Variants in ARHGEF6 observed in about 807,000 individuals in gnomAD.
ARHGEF6 encodes Rac/Cdc42 guanine nucleotide exchange factor 6, also known as rho guanine nucleotide exchange factor 6.
In ARHGEF6, 9 loss-of-function variants were observed where a neutral mutation model predicts 70.3. The ratio of observed to expected loss-of-function variants is 0.13; its 90% CI spans 0.08 to 0.22. The LOEUF (loss-of-function observed/expected upper bound fraction) is 0.22. Among genes scored for constraint, ARHGEF6 ranks in the 10% least tolerant of loss-of-function variants. The pLI is 1.00. For synonymous variants in ARHGEF6, 201 were observed against 207.8 expected, an observed-to-expected ratio of 0.97 and a Z score of 0.28; for missense variants, 470 against 563.0, an observed-to-expected ratio of 0.83 and a Z score of 1.67.
At chrX:136,698,440 C>A (rs1225647967) in intron 9 of ARHGEF6, among the ~76,000 whole-genome samples, 1 of 111,409 alleles carries the variant, frequency 9.0e-6, no homozygotes, top group African/African-American at 3.3e-5. Context: ...AGGATAAATG[C>A]AAAGAGGTCC....
intron 5 of ARHGEF6, among the ~76,000 whole-genome samples, chrX:136,732,780 G>A (rs1364683746): frequency 8.9e-6 from 1 of 111,918 alleles, no homozygotes; most frequent in Admixed American, 9.5e-5. Flanking sequence ...TAGGTTAGGT[G>A]TATTAATGTA....
At chrX:136,683,073 T>G (rs1436858709) in intron 12 of ARHGEF6, among the ~76,000 whole-genome samples, 1 of 112,005 alleles carries the variant, frequency 8.9e-6, no homozygotes, top group Non-Finnish European at 1.9e-5. Context: ...TACATAACAA[T>G]TAAATACAAA....
intron 2 of ARHGEF6, among the ~76,000 whole-genome samples, chrX:136,777,842 C>T: frequency 9.1e-6 from 1 of 109,719 alleles, no homozygotes; most frequent in East Asian, 2.8e-4. Flanking sequence ...TCACGACAAC[C>T]TGGGTGGAGG....
intron 6 of ARHGEF6, among the ~76,000 whole-genome samples, chrX:136,731,654 C>T (rs2076936425): frequency 8.9e-6 from 1 of 112,227 alleles, no homozygotes; most frequent in Non-Finnish European, 1.9e-5. Flanking sequence ...TCCTTTTGGG[C>T]TCTCTTTAAA....
intron 6 of ARHGEF6, among the ~76,000 whole-genome samples, chrX:136,716,897 TCA>T (rs2076742335): frequency 9.0e-6 from 1 of 111,654 alleles, no homozygotes; most frequent in Non-Finnish European, 1.9e-5. Context: ...TGAGAATATG[TCA>T]ATAGAAACTG....
chrX:136,700,343 C>T (rs979750854), intron 9 of ARHGEF6, among the ~76,000 whole-genome samples: 1 of 110,778 alleles, frequency 9.0e-6, no homozygotes, highest in African/African-American at 3.3e-5. Flanking sequence ...TGGCCAACTT[C>T]ATGAAACCCT....
intron 1 of ARHGEF6, 122 bp downstream of exon 1, chrX:136,780,596 C>T: frequency 2.9e-6 from 2 of 690,483 alleles, no homozygotes; most frequent in Non-Finnish European, 2.3e-6. Flanking sequence ...GAATGTCTAA[C>T]TCTTAGAAAA....
chrX:136,709,360 T>C (rs2076660724), intron 7 of ARHGEF6, among the ~76,000 whole-genome samples: 2 of 112,125 alleles, frequency 1.8e-5, no homozygotes, highest in South Asian at 7.4e-4. Flanking sequence ...TCTTATCCAT[T>C]CCTCCCCTAC....
At chrX:136,689,697 G>T (rs1419688961) in intron 10 of ARHGEF6, among the ~76,000 whole-genome samples, 1 of 111,731 alleles carries the variant, frequency 9.0e-6, no homozygotes, top group Non-Finnish European at 1.9e-5. Context: ...GACAAGCCCG[G>T]CAGAGTGCGG....
chrX:136,724,058 T>A, intron 6 of ARHGEF6, among the ~76,000 whole-genome samples: 1 of 110,678 alleles, frequency 9.0e-6, no homozygotes, highest in Middle Eastern at 4.7e-3. Context: ...TTCACACTTC[T>A]CTTTTCTCTT....
chrX:136,682,754 T>C lies in ARHGEF6; in HGVS notation c.1479+4A>G, dbSNP rs2076345021. On this transcript the variant is annotated splice_donor_region_variant and intron_variant, in intron 13 of 21. Transcript: ENST00000250617. The stretch of plus-strand genomic sequence containing the variant: ...GCTATGTGTTTTATATGAAATTTAC[T>C]AACCTGATAGATAAAGCCACTCATC... 1 of 1,204,391 alleles carries C rather than the reference T, an allele frequency of 8.3e-7. No individual in the cohort carries two copies. The highest frequency in any genetic ancestry group is 1.7e-5 in the African/African-American group (1 of 57,663).
intron 12 of ARHGEF6, among the ~76,000 whole-genome samples, chrX:136,683,624 T>C (rs996632540): frequency 8.9e-6 from 1 of 112,074 alleles, no homozygotes; most frequent in Non-Finnish European, 1.9e-5. Context: ...TCCCATACAC[T>C]TTTTAATGGC....
At chrX:136,778,630 C>T (rs890963884) in intron 2 of ARHGEF6, among the ~76,000 whole-genome samples, 2 of 110,488 alleles carry the variant, frequency 1.8e-5, no homozygotes, top group African/African-American at 6.6e-5. Context: ...GCTGGGACTA[C>T]AGGCACAAGC....
chrX:136,688,609 G>A (rs999211171), intron 10 of ARHGEF6, among the ~76,000 whole-genome samples: 9 of 110,520 alleles, frequency 8.1e-5, no homozygotes, highest in African/African-American at 3.0e-4. Flanking sequence ...GATGAGCTGT[G>A]ATTGTGCCAC....
intron 2 of ARHGEF6, among the ~76,000 whole-genome samples, chrX:136,774,519 C>T (rs1192991956): frequency 2.8e-5 from 3 of 107,908 alleles, no homozygotes; most frequent in South Asian, 4.1e-4. Context: ...GGCGTGGTGG[C>T]GCGTGCCTGT....
Position 136,679,639 on chromosome X carries a change from G to C in ARHGEF6, c.1726C>G (p.Pro576Ala), listed in dbSNP as rs764498295. The C allele has an allele frequency of 8.3e-7, 1 of 1,211,527 alleles. No individual in the cohort carries two copies. Among genetic ancestry groups the C allele is most frequent in the South Asian group, 1.8e-5 (1 of 57,008 alleles). Residue 576 changes from proline (P) to alanine (A), a missense_variant, in exon 16 of 22, where the codon CCC becomes GCC. Around this residue, in one of 3 missense-constraint regions of ARHGEF6, gnomAD observed 379 missense variants for 449.3 expected, o/e 0.84. Transcript: ENST00000250617. ...AHSSFSSTGQ[P>A]RGPLEPPQII... ...TGAGGAGGCTCCAAGGGTCCTCGGG[G>C]CTGTCCGGTAGAGCTAAAAGACTGG...
intron 6 of ARHGEF6, among the ~76,000 whole-genome samples, chrX:136,724,682 G>A (rs2076836004): frequency 9.1e-6 from 1 of 110,340 alleles, no homozygotes; most frequent in Non-Finnish European, 1.9e-5. Context: ...TTGAGACAGA[G>A]TCTCACTATG....
chrX:136,747,581 A>G lies in ARHGEF6; in HGVS notation c.261T>C (p.Pro87=). 1 of 1,195,338 alleles carries G rather than the reference A, an allele frequency of 8.4e-7. No individual in the cohort carries two copies. The highest frequency in any genetic ancestry group is 1.1e-6 in the Non-Finnish European group (1 of 882,182). Residue 87 remains proline, a synonymous_variant, in exon 3 of 22, where the codon CCT becomes CCC. Coordinates refer to ENST00000250617, the MANE Select transcript of ARHGEF6 (RefSeq NM_004840.3). Reference sequence around the variant, plus strand: ...AATTGACCCCTGAATAAAGGTCATCAGGATCAAATATCTATGAGAAAGGAA... The same window carrying G: ...AATTGACCCCTGAATAAAGGTCATCGGGATCAAATATCTATGAGAAAGGAA... ...CATLQVEIFD[P]DDLYSGVNFS... is the part of the protein sequence containing the mutation.
rs974813604 is a variant in ARHGEF6, at chrX:136,742,589, T to C, written c.661+996A>G. On this transcript the variant is annotated intron_variant, in intron 5 of 21. Coordinates refer to ENST00000250617, the MANE Select transcript of ARHGEF6 (RefSeq NM_004840.3). ...ATTGTGAGGGACATATTCTTATGTA[T>C]AAGGGTTTGCTGGGTTTTTTGCAAT... Among the ~76,000 whole-genome samples, 4 of 112,001 alleles carry C rather than the reference T, an allele frequency of 3.6e-5. No homozygotes were observed. In the East Asian group the frequency reaches 1.1e-3, roughly 31 times the overall value.
Sources: allele counts gnomAD v4.1 joint callset (sites outside exome capture counted in the v4.1 genomes callset), GRCh38; gene constraint gnomAD v4.1.1; regional missense constraint gnomAD v4.1.1; transcripts MANE v1.5; gene names NCBI Gene and HGNC (gene_info 2026-07-23, HGNC 2026-07-21).